The following KRT27 variants were observed in gnomAD, a reference collection of about 807,000 sequenced individuals.
KRT27 encodes keratin, type I cytoskeletal 27.
Under a neutral mutation model 45.3 loss-of-function variants are expected in KRT27, and 30 were observed. That is an observed-to-expected ratio of 0.66 (90% confidence interval 0.50 to 0.90). The LOEUF is 0.90. Among genes scored for constraint, KRT27 ranks in the 40% least tolerant of loss-of-function variants. KRT27 has a pLI of 0.00. For missense variants in KRT27, 610 were observed against 564.3 expected, an observed-to-expected ratio of 1.08 and a Z score of -0.82; for synonymous variants, 204 against 223.9, an observed-to-expected ratio of 0.91 and a Z score of 0.79.
chr17:40,781,006 G>C (rs754913774), intron 2 of KRT27, among the ~76,000 whole-genome samples, 182 bp downstream of exon 2: 2 of 152,044 alleles, frequency 1.3e-5, no homozygotes, highest in African/African-American at 4.8e-5. Context: ...TGTTAGTCCC[G>C]AAATTTCCCA....
chr17:40,779,775 C>G lies in KRT27; in HGVS notation c.771G>C (p.Leu257=), dbSNP rs1351888904. Residue 257 remains leucine (L), a synonymous_variant, in exon 4 of 8, where the codon CTG becomes CTC. Coordinates refer to ENST00000301656, the MANE Select transcript of KRT27 (RefSeq NM_181537.4). ...CTTCGTACTCAGCTCGCATATTGTT[C>G]AGCAGAACCGTGAGGTCTACCCCGG... ...AAPGVDLTVL[L]NNMRAEYEAL... 1.9e-6 allele frequency: 3 copies of G among 1,614,152 alleles called. No individual in the cohort carries two copies. The highest frequency in any genetic ancestry group is 2.5e-6 in the Non-Finnish European group (3 of 1,180,062).
intron 5 of KRT27, among the ~76,000 whole-genome samples, chr17:40,778,175 C>T (rs867075417): frequency 6.6e-6 from 1 of 152,308 alleles, no homozygotes; most frequent in East Asian, 1.9e-4. Flanking sequence ...TGCAGTAAAC[C>T]GCATAAACGT....
At chr17:40,778,293 G>C (rs1453125307) in intron 5 of KRT27, among the ~76,000 whole-genome samples, 2 of 152,228 alleles carry the variant, frequency 1.3e-5, no homozygotes, top group African/African-American at 4.8e-5. Flanking sequence ...TATACTCAGA[G>C]GGAACACTCA....
rs557819941 is a variant in KRT27, at chr17:40,781,839, T to C, written c.444+211A>G. 1.4e-4 allele frequency among the ~76,000 whole-genome samples: 22 copies of C among 152,324 alleles called. No homozygotes were observed. In the East Asian group the frequency reaches 4.0e-3, roughly 28 times the overall value. The stretch of plus-strand genomic sequence containing the variant: ...TGGACAGCTTTTGATATTTTAATAT[T>C]ACCAAAAGCATATACCTAATACTAC... On this transcript the variant is annotated intron_variant, in intron 1 of 7. Coordinates refer to ENST00000301656, the MANE Select transcript of KRT27 (RefSeq NM_181537.4).
rs2144156447 is a variant in KRT27 at position 40,777,145 on chromosome 17, T to G, written c.1241-7A>C. 4 of 1,612,912 alleles carry G rather than the reference T, an allele frequency of 2.5e-6. No individual in the cohort carries two copies. Among genetic ancestry groups the G allele is most frequent in the Non-Finnish European group, 3.4e-6 (4 of 1,179,218 alleles). On this transcript the variant is annotated splice_region_variant and splice_polypyrimidine_tract_variant and intron_variant, in intron 7 of 7. Coordinates refer to ENST00000301656, the MANE Select transcript of KRT27 (RefSeq NM_181537.4). ...ATGGTGGTTTTAGATGAATCTAAAA[T>G]GCCACATATAAACTGTTTAGAATTT...
At chr17:40,780,834 G>A (rs577350242) in intron 2 of KRT27, among the ~76,000 whole-genome samples, 1 of 152,278 alleles carries the variant, frequency 6.6e-6, no homozygotes, top group African/African-American at 2.4e-5. Context: ...GGGCGACAGA[G>A]CGAGACTCCG....
At chr17:40,780,484 AT>A in intron 2 of KRT27, 28 bp from the exon 3 acceptor site, 1 of 1,600,186 alleles carries the variant, frequency 6.2e-7, no homozygotes, top group Non-Finnish European at 8.5e-7. Context: ...AAGTTTCATC[AT>A]TAGTCATTAG....
At chr17:40,779,459 T>C (rs745456516) in intron 5 of KRT27, 43 bp downstream of exon 5, 49 of 1,562,998 alleles carry the variant, frequency 3.1e-5, no homozygotes, top group Non-Finnish European at 3.6e-5. Flanking sequence ...ATTATTTTTT[T>C]CTCAATTTCT....
chr17:40,779,813 TCTC>T lies in KRT27; in HGVS notation c.730_732del (p.Glu244del). The T allele has an allele frequency of 2.5e-6, 4 of 1,614,160 alleles. No individual in the cohort carries two copies. The highest frequency in any genetic ancestry group is 3.4e-6 in the Non-Finnish European group (4 of 1,180,014). ...AGGTCTACCCCGGGGGCCGCGTTCA[TCTC>T]CACGTTCACGTTGCCTCCAGCCGCG... On this transcript the variant is annotated inframe_deletion, in exon 4 of 8. Transcript: ENST00000301656.
intron 3 of KRT27, 135 bp from the exon 4 acceptor site, chr17:40,779,996 G>A: frequency 1.8e-6 from 2 of 1,089,540 alleles, no homozygotes; most frequent in Non-Finnish European, 2.6e-6. Flanking sequence ...CGAAATCCTG[G>A]CCTCAAGCGA....
At chr17:40,780,223 T>A in intron 3 of KRT27, 77 bp downstream of exon 3, 2 of 1,370,994 alleles carry the variant, frequency 1.5e-6, no homozygotes, top group Non-Finnish European at 2.0e-6. Context: ...ATTTAAGACA[T>A]TATATTTATC....
intron 2 of KRT27, 75 bp downstream of exon 2, chr17:40,781,113 A>T: frequency 1.1e-6 from 1 of 881,852 alleles, no homozygotes; most frequent in Non-Finnish European, 1.8e-6. Context: ...AGACAACGTC[A>T]AATAACTTAG....
intron 5 of KRT27, among the ~76,000 whole-genome samples, chr17:40,778,686 T>G (rs1421706362): frequency 2.0e-5 from 3 of 152,264 alleles, no homozygotes; most frequent in African/African-American, 7.2e-5. Context: ...TGTTTAGTTT[T>G]ATAGTCAGCC....
In KRT27 at chr17:40,782,231, A is replaced by G; in HGVS notation, c.263T>C (p.Met88Thr). ...GLLSGNEKVTMQNLNDRLASY... is the reference protein window; with the variant it reads ...GLLSGNEKVTTQNLNDRLASY... ...GGCCAAGCGGTCGTTGAGGTTCTGC[A>G]TGGTCACCTTCTCATTGCCAGAGAG... The change falls in exon 1 of 8, where the codon ATG becomes ACG. Residue 88 changes from methionine to threonine, a missense_variant. Coordinates refer to ENST00000301656, the MANE Select transcript of KRT27 (RefSeq NM_181537.4). 6.2e-7 allele frequency: 1 copy of G among 1,614,204 alleles called. No homozygotes were observed. Among genetic ancestry groups the G allele is most frequent in the South Asian group, 1.1e-5 (1 of 91,086 alleles).
rs1027141967 is a variant in KRT27, at chr17:40,777,307, A to G, written c.1191-5T>C. 5.0e-6 allele frequency: 8 copies of G among 1,610,394 alleles called. No individual in the cohort carries two copies. The East Asian group carries it at 6.7e-5, about 13-fold the overall frequency. The stretch of plus-strand genomic sequence containing the variant: ...CCTTTTGATTTAGAACAGGAGCTGT[A>G]AAAGTATAGAGCGCTTATATTAATT... On this transcript the variant is annotated splice_region_variant and splice_polypyrimidine_tract_variant and intron_variant, in intron 6 of 7. Transcript: ENST00000301656.
At chr17:40,778,355 A>C (rs1481382266) in intron 5 of KRT27, among the ~76,000 whole-genome samples, 3 of 152,348 alleles carry the variant, frequency 2.0e-5, no homozygotes, top group South Asian at 4.1e-4. Flanking sequence ...TTCACCTGCA[A>C]GTATTTTTTA....
chr17:40,782,105 C>A lies in KRT27; in HGVS notation c.389G>T (p.Gly130Val). 4 of 1,613,996 alleles carry A rather than the reference C, an allele frequency of 2.5e-6. No homozygotes were observed. The highest frequency in any genetic ancestry group is 3.4e-6 in the Non-Finnish European group (4 of 1,180,024). The change falls in exon 1 of 8, where the codon GGC (glycine) becomes GTC (valine). Residue 130 changes from glycine (G) to valine (V), a missense_variant. Physicochemically the swap from Gly to Val is moderately radical, Grantham distance 109. Coordinates refer to ENST00000301656, the MANE Select transcript of KRT27 (RefSeq NM_181537.4). The stretch of plus-strand genomic sequence containing the variant: ...ATATCTGCTGTAATCATGATCAAGG[C>A]CACGGCAAGAACCAGGTCCAAATTT... ...YEKFGPGSCRGLDHDYSRYFP... is the reference protein window; with the variant it reads ...YEKFGPGSCRVLDHDYSRYFP...
chr17:40,780,532 A>C, intron 2 of KRT27, 76 bp from the exon 3 acceptor site: 1 of 1,369,148 alleles, frequency 7.3e-7, no homozygotes, highest in Non-Finnish European at 1.0e-6. Flanking sequence ...CATACAACTC[A>C]GACTAAGCTT....
At position 40,779,813 on chromosome 17, in the gene KRT27, T is replaced by A. The variant is rs2038295443; in HGVS notation, c.733A>T (p.Met245Leu). The change falls in exon 4 of 8, where the codon ATG becomes TTG. Residue 245 changes from methionine (M) to leucine (L), a missense_variant. Transcript: ENST00000301656. Reference protein sequence around the residue: ...CAAGGNVNVEMNAAPGVDLTV... With the variant: ...CAAGGNVNVELNAAPGVDLTV... Reference sequence around the variant, plus strand: ...AGGTCTACCCCGGGGGCCGCGTTCATCTCCACGTTCACGTTGCCTCCAGCC... The same window carrying A: ...AGGTCTACCCCGGGGGCCGCGTTCAACTCCACGTTCACGTTGCCTCCAGCC... 1 of 1,614,042 alleles carries A rather than the reference T, an allele frequency of 6.2e-7. No individual in the cohort carries two copies. The highest frequency in any genetic ancestry group is 1.3e-5 in the African/African-American group (1 of 74,938).
Sources: allele counts gnomAD v4.1 joint callset (sites outside exome capture counted in the v4.1 genomes callset), GRCh38; gene constraint gnomAD v4.1.1; transcripts MANE v1.5; gene names NCBI Gene and HGNC (gene_info 2026-07-23, HGNC 2026-07-21).